The following SART3 variants were observed in gnomAD, a reference collection of about 807,000 sequenced individuals.
SART3 encodes HIV-1 Tat-interacting protein of 110kDa.
A neutral mutation model predicts 122.3 loss-of-function variants in SART3; 44 were observed. The observed-to-expected ratio is 0.36, with a 90% CI of 0.28 to 0.46. The LOEUF (loss-of-function observed/expected upper bound fraction) is 0.46. Ranked by LOEUF, SART3 falls within the 20% of genes least tolerant of loss-of-function variation. The pLI, the probability that SART3 is intolerant of heterozygous loss-of-function variation, is 1.00. For missense variants in SART3, 1,101 were observed against 1,229.0 expected (o/e 0.90, Z 1.56); for synonymous variants, 442 against 454.0 (o/e 0.97, Z 0.34).
Position 108,526,514 on chromosome 12 carries a change from G to A in SART3, c.1955C>T (p.Pro652Leu). Residue 652 changes from proline to leucine, a missense_variant, in exon 16 of 19, where the codon CCT (proline) becomes CTT (leucine). Pro to Leu is a moderately conservative substitution (Grantham distance 98). Coordinates refer to ENST00000546815, the MANE Select transcript of SART3 (RefSeq NM_014706.4). The stretch of plus-strand genomic sequence containing the variant: ...TACATTTTGTGTTTCTCCAGCTGCA[G>A]GGATGCTGTTCTCGACCCTTCTGCG... ...SKRRRVENSI[P>L]AAGETQNVEV... 6.2e-7 allele frequency: 1 copy of A among 1,614,128 alleles called. No individual in the cohort carries two copies. Among genetic ancestry groups the A allele is most frequent in the East Asian group, 2.2e-5 (1 of 44,886 alleles).
intron 6 of SART3, among the ~76,000 whole-genome samples, chr12:108,541,149 G>GT (rs1182062397): frequency 3.9e-5 from 6 of 152,210 alleles, no homozygotes; most frequent in Non-Finnish European, 7.3e-5. Context: ...ACTCACGCCT[G>GT]TAATCCCAGC....
intron 16 of SART3, 68 bp from the exon 17 acceptor site, chr12:108,525,677 G>A: frequency 6.6e-7 from 1 of 1,518,814 alleles, no homozygotes; most frequent in Admixed American, 1.7e-5. Context: ...TGACTCCTCT[G>A]ACACCAGCCT....
At chr12:108,556,317 C>CA (rs1387875525) in intron 1 of SART3, among the ~76,000 whole-genome samples, 1 of 152,164 alleles carries the variant, frequency 6.6e-6, no homozygotes, top group African/African-American at 2.4e-5. Context: ...AGTCTGGTCT[C>CA]AAACTCCTGG....
At chr12:108,537,412 G>C (rs1185222855) in intron 9 of SART3, 76 bp downstream of exon 9, 11 of 1,075,710 alleles carry the variant, frequency 1.0e-5, no homozygotes, top group Non-Finnish European at 1.4e-5. Flanking sequence ...AATGTATCTG[G>C]GGAACTGGGA....
At chr12:108,540,408 G>A (rs992344473) in intron 6 of SART3, among the ~76,000 whole-genome samples, 2 of 152,070 alleles carry the variant, frequency 1.3e-5, no homozygotes, top group African/African-American at 4.8e-5. Flanking sequence ...CTCCCTTGCA[G>A]GGGACTCTAA....
chr12:108,553,840 C>G (rs2030105886), intron 1 of SART3, among the ~76,000 whole-genome samples: 1 of 152,190 alleles, frequency 6.6e-6, no homozygotes, highest in African/African-American at 2.4e-5. Context: ...TCTTTCTCTA[C>G]TAATTATAAT....
At chr12:108,543,863 C>G (rs972254459) in intron 5 of SART3, among the ~76,000 whole-genome samples, 6 of 152,164 alleles carry the variant, frequency 3.9e-5, no homozygotes, top group African/African-American at 1.2e-4. Flanking sequence ...AGCACGCACA[C>G]ACTCATAGCT....
chr12:108,553,747 A>G (rs1329179507), intron 1 of SART3, among the ~76,000 whole-genome samples: 1 of 152,242 alleles, frequency 6.6e-6, no homozygotes, highest in Non-Finnish European at 1.5e-5. Context: ...GAGTGGGGAC[A>G]AGGACCAACC....
intron 12 of SART3, among the ~76,000 whole-genome samples, chr12:108,532,953 C>T (rs377584182): frequency 5.3e-5 from 8 of 152,244 alleles, no homozygotes; most frequent in African/African-American, 1.9e-4. Flanking sequence ...AGGTTTTCAC[C>T]AGGTTGGCAA....
rs1024634123 is a variant in SART3, at chr12:108,537,824, T to C, written c.1202-229A>G. The C allele has an allele frequency of 4.5e-6, 3 of 670,040 alleles. No individual in the cohort carries two copies. In the African/African-American group the frequency reaches 5.5e-5, roughly 12 times the overall value. The allele number at this position is 670,040 out of a possible 1,614,324, so 41.5% of individuals were successfully genotyped here. A position where few individuals can be genotyped will look rare whatever the true frequency, so the allele number is the denominator to read the frequency against. ...GACGCCCTGCAAGAAAAGTTCCAGA[T>C]CAAGGAAGTTTGGAGAAAACACTAC... On this transcript the variant is annotated intron_variant, in intron 8 of 18. Coordinates refer to ENST00000546815, the MANE Select transcript of SART3 (RefSeq NM_014706.4).
intron 1 of SART3, among the ~76,000 whole-genome samples, chr12:108,556,703 C>T (rs1384191794): frequency 1.3e-5 from 2 of 152,240 alleles, no homozygotes; most frequent in Non-Finnish European, 2.9e-5. Context: ...TCATGACACA[C>T]TGATGTTTCA....
intron 1 of SART3, among the ~76,000 whole-genome samples, chr12:108,550,018 A>G (rs1007082197): frequency 6.7e-6 from 1 of 149,260 alleles, no homozygotes; most frequent in Non-Finnish European, 1.5e-5. Context: ...AATCTCAAAA[A>G]AAAAAAAAAA....
chr12:108,538,182 C>T lies in SART3; in HGVS notation c.1084G>A (p.Asp362Asn). 1 of 1,614,168 alleles carries T rather than the reference C, an allele frequency of 6.2e-7. No homozygotes were observed. The highest frequency in any genetic ancestry group is 8.5e-7 in the Non-Finnish European group (1 of 1,180,012). Residue 362 changes from aspartate to asparagine, a missense_variant, in exon 8 of 19, where the codon GAT becomes AAT. Physicochemically the swap from Asp to Asn is conservative, Grantham distance 23. This residue lies in a region of SART3 where 885 missense variants were observed against 1,080.1 expected (regional missense o/e 0.82). Coordinates refer to ENST00000546815, the MANE Select transcript of SART3 (RefSeq NM_014706.4). ...QYLDRQLKVK[D>N]LVLSVHNRAI... ...CGGTTATGTACAGATAAAACCAAATCCTTTACTTTCAGTTGTCGATCCTAT... is the reference window on the plus strand; with the variant it reads ...CGGTTATGTACAGATAAAACCAAATTCTTTACTTTCAGTTGTCGATCCTAT...
chr12:108,544,767 A>G, intron 4 of SART3: 1 of 586,396 alleles, frequency 1.7e-6, no homozygotes, highest in South Asian at 2.0e-5. Context: ...GACTCACTAC[A>G]TTGCCCAGGC....
intron 6 of SART3, among the ~76,000 whole-genome samples, chr12:108,540,007 G>A (rs1307051535): frequency 6.6e-6 from 1 of 152,180 alleles, no homozygotes; most frequent in African/African-American, 2.4e-5. Flanking sequence ...CTGGCTTGAC[G>A]TATATTAAGA....
rs1335911425 is a variant in SART3, at chr12:108,525,628, CAG to C, written c.2371-21_2371-20del. 1.2e-6 allele frequency: 2 copies of C among 1,613,524 alleles called. No individual in the cohort carries two copies. Among genetic ancestry groups the C allele is most frequent in the Non-Finnish European group, 1.7e-6 (2 of 1,179,560 alleles). On this transcript the variant is annotated intron_variant, in intron 16 of 18. Coordinates refer to ENST00000546815, the MANE Select transcript of SART3 (RefSeq NM_014706.4). ...TGAACACCTATAGGAAGAAGGAAGA[CAG>C]AGAAAAACCATGATTCGAGGCATGA...
chr12:108,531,392 A>C, intron 13 of SART3, 112 bp from the exon 14 acceptor site: 2 of 799,806 alleles, frequency 2.5e-6, no homozygotes, highest in African/African-American at 1.7e-5. Flanking sequence ...CCATCAAACA[A>C]TAAGAAAATG....
At chr12:108,556,028 T>C (rs1433722961) in intron 1 of SART3, among the ~76,000 whole-genome samples, 1 of 151,968 alleles carries the variant, frequency 6.6e-6, no homozygotes, top group Non-Finnish European at 1.5e-5. Context: ...GCACTTGCTG[T>C]TTCAGCTAAA....
At chr12:108,530,116 AAC>A (rs1872597900) in intron 15 of SART3, 24 bp downstream of exon 15, 3 of 1,613,860 alleles carry the variant, frequency 1.9e-6, no homozygotes, top group Non-Finnish European at 8.5e-7. Flanking sequence ...GACGTTTCAA[AAC>A]ACAATTTCTC....
Sources: gnomAD v4.1 joint callset for allele counts (sites outside exome capture counted in the v4.1 genomes callset) on GRCh38, gnomAD v4.1.1 for gene constraint, gnomAD v4.1.1 regional missense constraint, MANE v1.5 for transcripts, NCBI Gene and HGNC (gene_info 2026-07-23, HGNC 2026-07-21) for gene names.